The following ATP8A1 variants were observed in gnomAD, a reference collection of about 807,000 sequenced individuals.
ATP8A1 encodes ATPase phospholipid transporting 8A1, also known as phospholipid-transporting ATPase IA.
ATP8A1 carries 90 observed loss-of-function variants against 177.7 expected under a neutral mutation model. The ratio of observed to expected loss-of-function variants is 0.51; its 90% CI spans 0.43 to 0.60. ATP8A1 has a LOEUF of 0.60. Ranked by LOEUF, ATP8A1 falls within the 20% of genes least tolerant of loss-of-function variation. ATP8A1 has a pLI of 0.00. For synonymous variants in ATP8A1, 493 were observed against 485.9 expected (o/e 1.01, Z -0.19); for missense variants, 1,072 against 1,392.8 (o/e 0.77, Z 3.67).
chr4:42,630,319 T>C (rs1010989117), intron 1 of ATP8A1, among the ~76,000 whole-genome samples: 3 of 152,226 alleles, frequency 2.0e-5, no homozygotes, highest in Admixed American at 2.0e-4. Flanking sequence ...TGTCCCTTGC[T>C]GTTTAATAAT....
Position 42,513,253 on chromosome 4 carries a change from C to G in ATP8A1, c.1948-6099G>C, listed in dbSNP as rs145585470. 6.3e-3 allele frequency among the ~76,000 whole-genome samples: 959 copies of G among 152,254 alleles called. 34 individuals carry two copies. Among genetic ancestry groups the G allele is most frequent in the Admixed American group, 0.056 (858 of 15,290 alleles). On this transcript the variant is annotated intron_variant, in intron 22 of 36. Transcript: ENST00000381668. ...TTCCTTGCAGTTTCAAACTACAAAG[C>G]CTTTAAACTGTAATACAGGATTATC... is the stretch of plus-strand genomic sequence containing the variant.
chr4:42,455,774 A>G (rs1196590878), intron 27 of ATP8A1, among the ~76,000 whole-genome samples, 175 bp from the exon 28 acceptor site: 1 of 152,200 alleles, frequency 6.6e-6, no homozygotes, highest in Non-Finnish European at 1.5e-5. Flanking sequence ...ATGCTTTCAT[A>G]GGGTATTTGT....
At chr4:42,621,745 AC>A (rs1737481310) in intron 4 of ATP8A1, among the ~76,000 whole-genome samples, 1 of 152,250 alleles carries the variant, frequency 6.6e-6, no homozygotes, top group Non-Finnish European at 1.5e-5. Flanking sequence ...TTCATATGGA[AC>A]CAAAAAGACA....
Position 42,412,756 on chromosome 4 carries a change from ATGTCTAT to A in ATP8A1, c.*153_*159del, listed in dbSNP as rs1172170827. 1 of 608,032 alleles carries A rather than the reference ATGTCTAT, an allele frequency of 1.6e-6. No homozygotes were observed. The highest frequency in any genetic ancestry group is 2.8e-5 in the East Asian group (1 of 35,804). The allele number at this position is 608,032 out of a possible 1,614,324, so 37.7% of individuals were successfully genotyped here. Reference sequence around the variant, plus strand: ...GTTACAGTACAGTTGCACAGTGCTTATGTCTATAATATACATGAATCTGAATGTCCAT... The same window carrying A: ...GTTACAGTACAGTTGCACAGTGCTTAAATATACATGAATCTGAATGTCCAT... On this transcript the variant is annotated 3_prime_UTR_variant, in exon 37 of 37. Coordinates refer to ENST00000381668, the MANE Select transcript of ATP8A1 (RefSeq NM_006095.2).
At chr4:42,631,754 T>C (rs549196765) in intron 1 of ATP8A1, among the ~76,000 whole-genome samples, 1 of 152,292 alleles carries the variant, frequency 6.6e-6, no homozygotes, top group African/African-American at 2.4e-5. Flanking sequence ...TATTTAATCT[T>C]CCAATGGGAT....
At chr4:42,436,757 C>G (rs908417333) in intron 33 of ATP8A1, among the ~76,000 whole-genome samples, 2 of 152,170 alleles carry the variant, frequency 1.3e-5, no homozygotes, top group African/African-American at 2.4e-5. Flanking sequence ...ACTGCCCCAC[C>G]TCAGCAACAA....
intron 36 of ATP8A1, 101 bp from the exon 37 acceptor site, chr4:42,413,114 G>T: frequency 1.2e-6 from 1 of 854,702 alleles, no homozygotes; most frequent in Non-Finnish European, 1.9e-6. Context: ...AACAAATGCA[G>T]CCTTCCCACA....
chr4:42,439,104 GACCTGT>G (rs1716336372), intron 33 of ATP8A1, among the ~76,000 whole-genome samples: 1 of 152,132 alleles, frequency 6.6e-6, no homozygotes, highest in Admixed American at 6.5e-5. Flanking sequence ...AGAAGCATGA[GACCTGT>G]ACCTGTAAGT....
chr4:42,522,683 C>T (rs1726263107), intron 21 of ATP8A1, among the ~76,000 whole-genome samples: 1 of 152,176 alleles, frequency 6.6e-6, no homozygotes, highest in African/African-American at 2.4e-5. Flanking sequence ...CTGCCATTCA[C>T]TTCCCACATA....
At chr4:42,519,470 C>A (rs995626822) in intron 22 of ATP8A1, among the ~76,000 whole-genome samples, 40 of 152,280 alleles carry the variant, frequency 2.6e-4, no homozygotes, top group African/African-American at 9.4e-4. Flanking sequence ...AGGCCCATTT[C>A]AAAAATTACC....
At position 42,544,011 on chromosome 4, in the gene ATP8A1, T is replaced by C. The variant is rs79971589; in HGVS notation, c.1653-25A>G. 3.7e-3 allele frequency: 5,818 copies of C among 1,584,408 alleles called. 184 individuals are homozygous for C. The African/African-American group carries it at 0.067, about 18-fold the overall frequency. On this transcript the variant is annotated intron_variant, in intron 19 of 36. Coordinates refer to ENST00000381668, the MANE Select transcript of ATP8A1 (RefSeq NM_006095.2). ...ACTGAAAGAAAGAGGTTTTGCATAA[T>C]GTGTCATCATACCAAGGATATGCAT...
At chr4:42,562,143 A>G (rs1730899398) in intron 15 of ATP8A1, 1 of 152,118 alleles carries the variant, frequency 6.6e-6, no homozygotes, top group Non-Finnish European at 1.5e-5. Context: ...AGTCTCTTCT[A>G]TTTTGGAGGT....
intron 8 of ATP8A1, among the ~76,000 whole-genome samples, chr4:42,587,335 T>G (rs1330947397): frequency 6.8e-6 from 1 of 147,930 alleles, no homozygotes; most frequent in African/African-American, 2.5e-5. Context: ...TGAGACGGAG[T>G]GTCACTCTGT....
chr4:42,516,932 C>T (rs1040827949), intron 22 of ATP8A1, among the ~76,000 whole-genome samples: 2 of 152,094 alleles, frequency 1.3e-5, no homozygotes, highest in African/African-American at 2.4e-5. Flanking sequence ...GAAACCCCTG[C>T]CAATGAAACA....
At chr4:42,417,158 T>C (rs958114020) in intron 35 of ATP8A1, among the ~76,000 whole-genome samples, 7 of 152,340 alleles carry the variant, frequency 4.6e-5, no homozygotes, top group African/African-American at 1.4e-4. Flanking sequence ...TGTATTTCTC[T>C]AGTCTTATCT....
chr4:42,599,781 G>T (rs986769570), intron 6 of ATP8A1, among the ~76,000 whole-genome samples: 1 of 152,154 alleles, frequency 6.6e-6, no homozygotes, highest in Non-Finnish European at 1.5e-5. Context: ...GCCCTAAGAA[G>T]GGTGGCTCAG....
chr4:42,455,025 C>G (rs749769384), intron 29 of ATP8A1, among the ~76,000 whole-genome samples: 2 of 152,132 alleles, frequency 1.3e-5, no homozygotes, highest in African/African-American at 4.8e-5. Flanking sequence ...GATTTTTATA[C>G]GTCAGGCCAG....
chr4:42,458,124 C>T (rs1048367032), intron 27 of ATP8A1, among the ~76,000 whole-genome samples: 11 of 152,098 alleles, frequency 7.2e-5, no homozygotes, highest in Non-Finnish European at 2.9e-5. Flanking sequence ...AGTGAAGTAG[C>T]CTACCAGCAG....
In ATP8A1 at chr4:42,506,350, A is replaced by G. The variant is rs557436602; in HGVS notation, c.2086+666T>C. Among the ~76,000 whole-genome samples the G allele has an allele frequency of 1.1e-4, 16 of 152,354 alleles. No homozygotes were observed. In the South Asian group the frequency reaches 3.3e-3, roughly 32 times the overall value. ...GAACACAGTTAAGAAGGTGCTATCT[A>G]TGAACCAGAAGGCCAGTGGTCATCA... On this transcript the variant is annotated intron_variant, in intron 23 of 36. Coordinates refer to ENST00000381668, the MANE Select transcript of ATP8A1 (RefSeq NM_006095.2).
Sources: allele counts gnomAD v4.1 joint callset (sites outside exome capture counted in the v4.1 genomes callset), GRCh38; gene constraint gnomAD v4.1.1; transcripts MANE v1.5; gene names NCBI Gene and HGNC (gene_info 2026-07-23, HGNC 2026-07-21).